NRXN1: variants seen among roughly 807,000 people sequenced by gnomAD.
NRXN1 encodes the protein neurexin 1.
Under a neutral mutation model 150.9 loss-of-function variants are expected in NRXN1, and 39 were observed. The observed-to-expected ratio is 0.26, with a 90% CI of 0.20 to 0.34. The LOEUF is 0.34. Among genes scored for constraint, NRXN1 ranks in the 10% least tolerant of loss-of-function variants. NRXN1 has a pLI of 1.00. For missense variants in NRXN1, 1,815 were observed against 1,949.9 expected, an observed-to-expected ratio of 0.93 and a Z score of 1.30; for synonymous variants, 924 against 757.0, an observed-to-expected ratio of 1.22 and a Z score of -3.62.
chr2:50,407,133 T>A (rs1204426541), intron 17 of NRXN1, among the ~76,000 whole-genome samples: 1 of 152,132 alleles, frequency 6.6e-6, no homozygotes, highest in Admixed American at 6.6e-5. Flanking sequence ...ATTATTAAAC[T>A]CCCATGGCCT....
intron 5 of NRXN1, among the ~76,000 whole-genome samples, chr2:50,838,293 T>A (rs1672381801): frequency 6.6e-6 from 1 of 152,064 alleles, no homozygotes; most frequent in Non-Finnish European, 1.5e-5. Flanking sequence ...CAAAAGCTCA[T>A]TGCGTGTGGA....
At chr2:50,315,021 A>G (rs751796159) in intron 17 of NRXN1, among the ~76,000 whole-genome samples, 1 of 151,974 alleles carries the variant, frequency 6.6e-6, no homozygotes, top group African/African-American at 2.4e-5. Flanking sequence ...AGGAAAATGT[A>G]TATTTCTGTT....
chr2:50,080,131 T>C (rs76559875), intron 19 of NRXN1, among the ~76,000 whole-genome samples: 2,129 of 152,198 alleles, frequency 0.014, 52 homozygotes, highest in African/African-American at 0.048. Flanking sequence ...TAGTCACTTA[T>C]AAGTAGCCAC....
intron 21 of NRXN1, among the ~76,000 whole-genome samples, chr2:49,964,694 A>C (rs1676636721): frequency 6.6e-6 from 1 of 151,890 alleles, no homozygotes; most frequent in Admixed American, 6.6e-5. Flanking sequence ...ACGAAAAATT[A>C]GCTGGACATG....
chr2:50,016,784 A>G (rs1363765145), intron 21 of NRXN1, among the ~76,000 whole-genome samples: 1 of 152,108 alleles, frequency 6.6e-6, no homozygotes, highest in Non-Finnish European at 1.5e-5. Context: ...CAGCCAAACC[A>G]CATCAGGCTA....
intron 17 of NRXN1, among the ~76,000 whole-genome samples, chr2:50,390,193 A>AG (rs959039975): frequency 6.6e-6 from 1 of 152,158 alleles, no homozygotes; most frequent in Admixed American, 6.6e-5. Context: ...AATAAGTTAT[A>AG]GGTTTGCCTA....
At chr2:50,716,049 T>C (rs1695829567) in intron 5 of NRXN1, among the ~76,000 whole-genome samples, 1 of 152,178 alleles carries the variant, frequency 6.6e-6, no homozygotes, top group Non-Finnish European at 1.5e-5. Context: ...AGGTGTCTTA[T>C]AAGCAGTAGT....
chr2:50,801,459 G>C (rs1278575028), intron 5 of NRXN1, among the ~76,000 whole-genome samples: 1 of 152,110 alleles, frequency 6.6e-6, no homozygotes. Context: ...AAATATCATA[G>C]TTACATAATG....
intron 5 of NRXN1, among the ~76,000 whole-genome samples, chr2:50,652,307 T>A (rs1685760863): frequency 6.6e-6 from 1 of 152,046 alleles, no homozygotes; most frequent in African/African-American, 2.4e-5. Flanking sequence ...AAATTTCCAG[T>A]GTTATGCAAC....
At chr2:50,617,355 G>C (rs575257968) in intron 8 of NRXN1, among the ~76,000 whole-genome samples, 1 of 151,724 alleles carries the variant, frequency 6.6e-6, no homozygotes, top group African/African-American at 2.4e-5. Context: ...AGAATTGCTT[G>C]AACCCAGGAG....
At chr2:50,939,025 C>A (rs1193922346) in intron 2 of NRXN1, among the ~76,000 whole-genome samples, 2 of 151,886 alleles carry the variant, frequency 1.3e-5, no homozygotes. Flanking sequence ...TCCTGGTTAA[C>A]ATGGTGAAAC....
chr2:50,808,157 G>A (rs1167857019), intron 5 of NRXN1, among the ~76,000 whole-genome samples: 1 of 152,070 alleles, frequency 6.6e-6, no homozygotes, highest in Non-Finnish European at 1.5e-5. Context: ...GTGAAAGTAA[G>A]AAGTACAGTG....
At chr2:50,980,208 A>G (rs947741961) in intron 2 of NRXN1, among the ~76,000 whole-genome samples, 17 of 152,060 alleles carry the variant, frequency 1.1e-4, no homozygotes, top group Admixed American at 6.6e-5. Flanking sequence ...GGGTTCAAGC[A>G]ATTCTCTGCC....
rs796790905 is a variant in NRXN1 at position 50,286,763 on chromosome 2, T to G, written c.3365-49793A>C. 2.6e-5 allele frequency among the ~76,000 whole-genome samples: 4 copies of G among 152,212 alleles called. 1 individual carries two copies. Among genetic ancestry groups the G allele is most frequent in the African/African-American group, 9.6e-5 (4 of 41,568 alleles). Reference sequence around the variant, plus strand: ...TACAAAGTTGAAAAAATACTTCACATAACTCATAAATATATAGAAATTCAT... The same window carrying G: ...TACAAAGTTGAAAAAATACTTCACAGAACTCATAAATATATAGAAATTCAT... On this transcript the variant is annotated intron_variant, in intron 17 of 22. Transcript: ENST00000401669.
Position 50,497,356 on chromosome 2 carries a change from A to G in NRXN1, c.2856T>C (p.Phe952=). 1 of 1,545,094 alleles carries G rather than the reference A, an allele frequency of 6.5e-7. No individual in the cohort carries two copies. Among genetic ancestry groups the G allele is most frequent in the Non-Finnish European group, 8.7e-7 (1 of 1,145,632 alleles). The part of the protein sequence containing the change: ...ILYNSGDGND[F]IVVELVKGYL... ...ACCCTTTAACTAATTCAACCACAATAAAGTCATTTCCATCCCCACTGTTAT... is the reference window on the plus strand; with the variant it reads ...ACCCTTTAACTAATTCAACCACAATGAAGTCATTTCCATCCCCACTGTTAT... Residue 952 remains phenylalanine, a synonymous_variant, in exon 14 of 23, where the codon TTT becomes TTC. Coordinates refer to ENST00000401669, the MANE Select transcript of NRXN1 (RefSeq NM_001330078.2).
chr2:50,447,737 T>TTTTATATATATATATATATATATA lies in NRXN1; in HGVS notation c.3364+17704_3364+17705insTATATATATATATATATATATAAA, dbSNP rs1208594855. ...AAATCACATAGTAAGCAGGGGAACG[T>TTTTATATATATATATATATATATA]TATATATATATATATATATATATAT... On this transcript the variant is annotated intron_variant, in intron 17 of 22. Coordinates refer to ENST00000401669, the MANE Select transcript of NRXN1 (RefSeq NM_001330078.2). Among the ~76,000 whole-genome samples the TTTTATATATATATATATATATATA allele has an allele frequency of 3.5e-3, 134 of 37,896 alleles. 27 individuals are homozygous for TTTTATATATATATATATATATATA. Among genetic ancestry groups the TTTTATATATATATATATATATATA allele is most frequent in the East Asian group, 0.023 (11 of 482 alleles). 24.9% of individuals were successfully genotyped at this position (37,896 alleles called of 152,430 possible).
intron 16 of NRXN1, among the ~76,000 whole-genome samples, chr2:50,470,559 T>C (rs990783952): frequency 6.6e-6 from 1 of 151,828 alleles, no homozygotes; most frequent in African/African-American, 2.4e-5. Flanking sequence ...ACTTAAGTAA[T>C]TGCTAAATAT....
intron 17 of NRXN1, among the ~76,000 whole-genome samples, chr2:50,300,738 C>G (rs1273287637): frequency 6.6e-6 from 1 of 152,132 alleles, no homozygotes; most frequent in Non-Finnish European, 1.5e-5. Context: ...CTCTGTCACC[C>G]AGGCTGGAGT....
intron 5 of NRXN1, among the ~76,000 whole-genome samples, chr2:50,648,016 T>C (rs1046043407): frequency 1.3e-5 from 2 of 151,978 alleles, no homozygotes; most frequent in African/African-American, 4.8e-5. Context: ...TTGTGTACTT[T>C]CCCAATTCTC....
Sources: gnomAD v4.1 joint callset for allele counts (sites outside exome capture counted in the v4.1 genomes callset) on GRCh38, gnomAD v4.1.1 for gene constraint, MANE v1.5 for transcripts, NCBI Gene and HGNC (gene_info 2026-07-23, HGNC 2026-07-21) for gene names.